The following SMYD3 variants were observed in gnomAD, a reference collection of about 807,000 sequenced individuals.
The protein encoded by SMYD3 is SET and MYND domain containing 3.
A neutral mutation model predicts 57.7 loss-of-function variants in SMYD3; 36 were observed. That is an observed-to-expected ratio of 0.62 (90% confidence interval 0.48 to 0.82). The LOEUF is 0.82. SMYD3 is among the 40% of genes least tolerant of loss of function. The pLI is 0.00. For synonymous variants in SMYD3, 211 were observed against 195.0 expected, an observed-to-expected ratio of 1.08 and a Z score of -0.68; for missense variants, 515 against 538.8, an observed-to-expected ratio of 0.96 and a Z score of 0.44.
chr1:246,279,411 C>T (rs1373551362), intron 5 of SMYD3, among the ~76,000 whole-genome samples: 4 of 152,130 alleles, frequency 2.6e-5, no homozygotes, highest in African/African-American at 9.7e-5. Flanking sequence ...ATCCCAGCTA[C>T]TTGGGAGGCT....
chr1:245,890,611 C>G (rs1026253744), intron 8 of SMYD3, among the ~76,000 whole-genome samples: 2 of 152,166 alleles, frequency 1.3e-5, no homozygotes, highest in Non-Finnish European at 2.9e-5. Flanking sequence ...GGAACCCTCG[C>G]ACACTATTGT....
intron 5 of SMYD3, among the ~76,000 whole-genome samples, chr1:245,950,025 T>G (rs1456593771): frequency 6.6e-6 from 1 of 151,950 alleles, no homozygotes; most frequent in Non-Finnish European, 1.5e-5. Flanking sequence ...GGATAATAAA[T>G]AAATGGAAGA....
At chr1:246,087,833 C>T (rs2060745103) in intron 5 of SMYD3, among the ~76,000 whole-genome samples, 8 of 152,134 alleles carry the variant, frequency 5.3e-5, no homozygotes, top group Admixed American at 5.2e-4. Context: ...GGACTGAAAC[C>T]CGTCCTCAGT....
At chr1:246,221,972 C>T (rs1325954008) in intron 5 of SMYD3, among the ~76,000 whole-genome samples, 4 of 152,168 alleles carry the variant, frequency 2.6e-5, no homozygotes, top group African/African-American at 9.7e-5. Context: ...ATTGTCTCAT[C>T]ACAATTCACA....
At chr1:246,038,168 T>C (rs2059809617) in intron 5 of SMYD3, among the ~76,000 whole-genome samples, 1 of 152,258 alleles carries the variant, frequency 6.6e-6, no homozygotes, top group African/African-American at 2.4e-5. Context: ...AGTTTAGTTT[T>C]TTACTTGTCT....
chr1:246,385,338 G>A (rs2066457012), intron 1 of SMYD3, among the ~76,000 whole-genome samples: 1 of 151,776 alleles, frequency 6.6e-6, no homozygotes, highest in Non-Finnish European at 1.5e-5. Flanking sequence ...AGTATACTTA[G>A]GATATACCCA....
intron 5 of SMYD3, among the ~76,000 whole-genome samples, chr1:246,246,647 A>G (rs2063708790): frequency 6.6e-6 from 1 of 152,100 alleles, no homozygotes; most frequent in South Asian, 2.1e-4. Flanking sequence ...TGGACACTTT[A>G]TAATATGCAT....
intron 5 of SMYD3, among the ~76,000 whole-genome samples, chr1:246,114,219 T>C (rs1207833559): frequency 6.6e-6 from 1 of 152,232 alleles, no homozygotes; most frequent in African/African-American, 2.4e-5. Flanking sequence ...TTCCCATCCA[T>C]GTGTAACACC....
chr1:246,016,257 A>G (rs1487819517), intron 5 of SMYD3, among the ~76,000 whole-genome samples: 1 of 151,618 alleles, frequency 6.6e-6, no homozygotes, highest in Non-Finnish European at 1.5e-5. Context: ...AAAAAAATAG[A>G]ATAGTAAAAG....
At chr1:245,920,299 C>A (rs921362898) in intron 7 of SMYD3, among the ~76,000 whole-genome samples, 1 of 118,190 alleles carries the variant, frequency 8.5e-6, no homozygotes, top group Admixed American at 1.1e-4. Flanking sequence ...GGCGACAGAG[C>A]GAGACTCCGT....
intron 5 of SMYD3, among the ~76,000 whole-genome samples, chr1:246,090,046 C>A (rs890531140): frequency 1.2e-4 from 18 of 152,112 alleles, no homozygotes; most frequent in Non-Finnish European, 1.0e-4. Flanking sequence ...GGTACCAAAG[C>A]AGTCACCATC....
In SMYD3 at chr1:246,371,845, C is replaced by T. The variant is rs547280885; in HGVS notation, c.165-16751G>A. Among the ~76,000 whole-genome samples, 17 of 152,264 alleles carry T rather than the reference C, an allele frequency of 1.1e-4. No individual in the cohort carries two copies. In the South Asian group the frequency reaches 2.9e-3, roughly 26 times the overall value. The stretch of plus-strand genomic sequence containing the variant: ...AAAAGCTAAATTCACTAATTGGAGT[C>T]GTTTGTTCATTTAAGAGGCCTGAAG... On this transcript the variant is annotated intron_variant, in intron 1 of 11. Coordinates refer to ENST00000490107, the MANE Select transcript of SMYD3 (RefSeq NM_001167740.2).
chr1:246,435,717 G>A (rs1244122080), intron 1 of SMYD3, among the ~76,000 whole-genome samples: 1 of 152,012 alleles, frequency 6.6e-6, no homozygotes, highest in Admixed American at 6.6e-5. Flanking sequence ...ATTCCAAGGA[G>A]AAGATACAAG....
At chr1:246,435,529 T>C (rs936366732) in intron 1 of SMYD3, among the ~76,000 whole-genome samples, 8 of 151,976 alleles carry the variant, frequency 5.3e-5, no homozygotes, top group African/African-American at 1.4e-4. Flanking sequence ...GGGTAGTGTG[T>C]TACGCAAAGA....
intron 1 of SMYD3, among the ~76,000 whole-genome samples, chr1:246,499,784 A>C (rs2068429053): frequency 1.3e-5 from 2 of 152,162 alleles, no homozygotes; most frequent in Admixed American, 1.3e-4. Flanking sequence ...AGGTATTTTC[A>C]AAACTTAGTT....
chr1:246,011,626 C>T (rs886618937), intron 5 of SMYD3, among the ~76,000 whole-genome samples: 7 of 152,188 alleles, frequency 4.6e-5, no homozygotes, highest in Non-Finnish European at 1.0e-4. Context: ...TCTGACCCAG[C>T]TATCTCAACA....
chr1:246,295,890 C>A (rs2064784492), intron 5 of SMYD3, among the ~76,000 whole-genome samples: 1 of 152,164 alleles, frequency 6.6e-6, no homozygotes, highest in African/African-American at 2.4e-5. Context: ...AGAACAAAAT[C>A]AATCCCCAAG....
chr1:246,384,448 T>G (rs922011469), intron 1 of SMYD3, among the ~76,000 whole-genome samples: 1 of 151,956 alleles, frequency 6.6e-6, no homozygotes, highest in Non-Finnish European at 1.5e-5. Flanking sequence ...CAAGCTAGAG[T>G]GCAGTGGTGC....
chr1:245,755,433 C>A (rs2045566207), intron 11 of SMYD3, among the ~76,000 whole-genome samples: 1 of 152,154 alleles, frequency 6.6e-6, no homozygotes, highest in East Asian at 1.9e-4. Context: ...ATTTTGTATC[C>A]CTCCTCAGTT....
Sources: gnomAD v4.1 joint callset for allele counts (sites outside exome capture counted in the v4.1 genomes callset) on GRCh38, gnomAD v4.1.1 for gene constraint, MANE v1.5 for transcripts, NCBI Gene and HGNC (gene_info 2026-07-23, HGNC 2026-07-21) for gene names.